Variants in POMK observed in about 807,000 individuals in gnomAD.
POMK encodes protein O-mannose kinase, also known as Sugen kinase 196.
Under a neutral mutation model 23.0 loss-of-function variants are expected in POMK, and 19 were observed. The ratio of observed to expected loss-of-function variants is 0.83; its 90% confidence interval spans 0.58 to 1.21. The LOEUF (loss-of-function observed/expected upper bound fraction) is 1.21, where lower values mean the gene tolerates loss of function less well. POMK is among the 50% of genes most tolerant of loss of function. The probability of loss-of-function intolerance (pLI) is 0.00; values close to 1 mark genes in which losing one functional copy is unlikely to be tolerated. For synonymous variants in POMK, 173 were observed against 171.6 expected, an observed-to-expected ratio of 1.01 and a Z score of -0.06; for missense variants, 410 against 431.3, an observed-to-expected ratio of 0.95 and a Z score of 0.44.
chr8:43,098,471 A>T (rs1266904493), intron 2 of POMK, among the ~76,000 whole-genome samples: 1 of 152,232 alleles, frequency 6.6e-6, no homozygotes, highest in Admixed American at 6.5e-5. Context: ...ATGGCTGAAT[A>T]ATATTCCATT....
chr8:43,114,268 T>C (rs553809913), intron 4 of POMK, among the ~76,000 whole-genome samples: 21 of 152,348 alleles, frequency 1.4e-4, no homozygotes, highest in Middle Eastern at 3.4e-3. Flanking sequence ...TCCACCCAGT[T>C]AGAGCTTCCC....
chr8:43,101,036 G>A (rs1220993767), intron 2 of POMK, among the ~76,000 whole-genome samples: 2 of 152,104 alleles, frequency 1.3e-5, no homozygotes, highest in African/African-American at 4.8e-5. Flanking sequence ...AACAGTATGA[G>A]CTTGTGTGCT....
intron 1 of POMK, among the ~76,000 whole-genome samples, chr8:43,093,910 T>C (rs1173188500): frequency 6.6e-6 from 1 of 152,182 alleles, no homozygotes; most frequent in Admixed American, 6.5e-5. Flanking sequence ...GCGGAACTTC[T>C]GTCTCCGTAA....
At chr8:43,111,168 C>A (rs1047574258) in intron 4 of POMK, among the ~76,000 whole-genome samples, 77 of 152,160 alleles carry the variant, frequency 5.1e-4, no homozygotes, top group African/African-American at 1.8e-3. Flanking sequence ...AGTCCCTTTT[C>A]TAGTCAAAGA....
Position 43,103,703 on chromosome 8 carries a change from C to T in POMK, c.155C>T (p.Pro52Leu). 6.2e-7 allele frequency: 1 copy of T among 1,614,164 alleles called. No individual in the cohort carries two copies. Among genetic ancestry groups the T allele is most frequent in the South Asian group, 1.1e-5 (1 of 91,078 alleles). Residue 52 changes from proline to leucine, a missense_variant, in exon 4 of 5, where the codon CCC (proline) becomes CTC (leucine). Physicochemically the swap from Pro to Leu is moderately conservative, Grantham distance 98. Coordinates refer to ENST00000331373, the MANE Select transcript of POMK (RefSeq NM_032237.5). ...GCTCCTCGACAATCCACTGTGGACC[C>T]CACACACTGTCCCTATGGTCACTTC... ...FIAPRQSTVD[P>L]THCPYGHFRI... is the part of the protein sequence containing the mutation.
intron 2 of POMK, among the ~76,000 whole-genome samples, chr8:43,101,971 T>C (rs1278118157): frequency 6.6e-6 from 1 of 152,082 alleles, no homozygotes; most frequent in Non-Finnish European, 1.5e-5. Flanking sequence ...CTGTCCTGGA[T>C]TTTTCATGGC....
At chr8:43,112,065 G>C (rs1430969579) in intron 4 of POMK, among the ~76,000 whole-genome samples, 3 of 151,986 alleles carry the variant, frequency 2.0e-5, no homozygotes, top group African/African-American at 4.9e-5. Flanking sequence ...AAACTGGACG[G>C]AGAATGACTT....
At chr8:43,109,251 G>T (rs1169610031) in intron 4 of POMK, among the ~76,000 whole-genome samples, 1 of 152,102 alleles carries the variant, frequency 6.6e-6, no homozygotes, top group South Asian at 2.1e-4. Flanking sequence ...TTTTCAAAAG[G>T]AAAAACCATT....
intron 1 of POMK, among the ~76,000 whole-genome samples, chr8:43,096,853 C>G (rs1197934680): frequency 6.6e-6 from 1 of 152,134 alleles, no homozygotes; most frequent in African/African-American, 2.4e-5. Context: ...TAATGTTGAG[C>G]TTTTAAAAAA....
chr8:43,120,153 T>C (rs1443293554), intron 4 of POMK, among the ~76,000 whole-genome samples: 1 of 152,096 alleles, frequency 6.6e-6, no homozygotes, highest in Admixed American at 6.6e-5. Context: ...ATTTGTCTCG[T>C]TTTATGCAGT....
At chr8:43,097,349 GATCACTT>G (rs1363842123) in intron 1 of POMK, among the ~76,000 whole-genome samples, 168 bp from the exon 2 acceptor site, 4 of 152,198 alleles carry the variant, frequency 2.6e-5, no homozygotes, top group Non-Finnish European at 4.4e-5. Context: ...TGAAGATAGT[GATCACTT>G]CTTGAGGGGG....
chr8:43,117,962 T>C (rs2130620929), intron 4 of POMK, among the ~76,000 whole-genome samples: 1 of 152,334 alleles, frequency 6.6e-6, no homozygotes, highest in Admixed American at 6.5e-5. Context: ...ACTGTAGCAT[T>C]GTCATTAGAA....
chr8:43,116,019 C>A (rs1384910012), intron 4 of POMK, among the ~76,000 whole-genome samples: 2 of 152,258 alleles, frequency 1.3e-5, no homozygotes, highest in African/African-American at 2.4e-5. Flanking sequence ...CACGGTCTTG[C>A]TCAAAGGCCA....
At chr8:43,100,668 T>C (rs186570753) in intron 2 of POMK, among the ~76,000 whole-genome samples, 1 of 151,896 alleles carries the variant, frequency 6.6e-6, no homozygotes, top group East Asian at 1.9e-4. Context: ...TGGAGCCCAG[T>C]GCATGCTAAT....
At chr8:43,109,513 T>C (rs1251000613) in intron 4 of POMK, among the ~76,000 whole-genome samples, 1 of 152,182 alleles carries the variant, frequency 6.6e-6, no homozygotes, top group Non-Finnish European at 1.5e-5. Flanking sequence ...CTAGTTCTAA[T>C]TAGTTTGACC....
At chr8:43,115,253 CCT>C (rs551193942) in intron 4 of POMK, among the ~76,000 whole-genome samples, 13 of 152,136 alleles carry the variant, frequency 8.5e-5, no homozygotes, top group Non-Finnish European at 1.9e-4. Context: ...TAATCCTGGA[CCT>C]CTCGTCTTCT....
chr8:43,114,742 C>T (rs943305894), intron 4 of POMK, among the ~76,000 whole-genome samples: 28 of 152,348 alleles, frequency 1.8e-4, no homozygotes, highest in Admixed American at 4.6e-4. Flanking sequence ...TGTTCCTATT[C>T]GGCCATCTTG....
At chr8:43,110,993 G>T (rs1378793337) in intron 4 of POMK, among the ~76,000 whole-genome samples, 1 of 152,160 alleles carries the variant, frequency 6.6e-6, no homozygotes, top group East Asian at 1.9e-4. Flanking sequence ...CACCCAGTGT[G>T]AGCGACGCAG....
rs762666786 is a variant in POMK, at chr8:43,097,543, G to A, written c.-190G>A. 35 of 152,230 alleles carry A rather than the reference G, an allele frequency of 2.3e-4. No homozygotes were observed. Among genetic ancestry groups the A allele is most frequent in the Admixed American group, 5.2e-4 (8 of 15,292 alleles). The allele number at this position is 152,230 out of a possible 1,614,324, so 9.4% of individuals were successfully genotyped here. A position where few individuals can be genotyped will look rare whatever the true frequency, so the allele number is the denominator to read the frequency against. The stretch of plus-strand genomic sequence containing the variant: ...TTAAAGAAAAAGGATCCTGTTTGCT[G>A]TGTAATCCTGAGAATGGACTGCAAG... On this transcript the variant is annotated 5_prime_UTR_variant, in exon 2 of 5. It adds an upstream start codon to the 5' untranslated region. Coordinates refer to ENST00000331373, the MANE Select transcript of POMK (RefSeq NM_032237.5).
Sources: allele counts gnomAD v4.1 joint callset (sites outside exome capture counted in the v4.1 genomes callset), GRCh38; gene constraint gnomAD v4.1.1; transcripts MANE v1.5; gene names NCBI Gene and HGNC (gene_info 2026-07-23, HGNC 2026-07-21).